The following IL16 variants were observed in gnomAD, a reference collection of about 807,000 sequenced individuals.
IL16 encodes the protein pro-interleukin-16.
Under a neutral mutation model 110.1 loss-of-function variants are expected in IL16, and 67 were observed. The observed-to-expected ratio is 0.61, with a 90% confidence interval of 0.50 to 0.75. The LOEUF is 0.75. Ranked by LOEUF, IL16 falls within the 30% of genes least tolerant of loss-of-function variation. The pLI is 0.00. For missense variants in IL16, 1,545 were observed against 1,655.0 expected, an observed-to-expected ratio of 0.93 and a Z score of 1.15; for synonymous variants, 689 against 662.9, an observed-to-expected ratio of 1.04 and a Z score of -0.61.
chr15:81,269,130 A>T (rs1898518821), intron 4 of IL16, among the ~76,000 whole-genome samples: 2 of 152,244 alleles, frequency 1.3e-5, no homozygotes, highest in Admixed American at 1.3e-4. Flanking sequence ...CCTGCCTGGC[A>T]CAAGGGGAGT....
At chr15:81,267,866 G>A (rs1898460819) in intron 4 of IL16, among the ~76,000 whole-genome samples, 2 of 152,272 alleles carry the variant, frequency 1.3e-5, no homozygotes, top group South Asian at 4.2e-4. Flanking sequence ...CCTGCATCAG[G>A]GCAGGTGATG....
intron 6 of IL16, 97 bp downstream of exon 6, chr15:81,273,301 T>C (rs1318615235): frequency 1.1e-5 from 9 of 854,466 alleles, no homozygotes; most frequent in Non-Finnish European, 1.6e-5. Flanking sequence ...GCAAAATGTG[T>C]CTTGAGTTGT....
intron 1 of IL16, among the ~76,000 whole-genome samples, chr15:81,224,624 G>A (rs1896727109): frequency 6.6e-6 from 1 of 152,196 alleles, no homozygotes. Flanking sequence ...CATCCCTTTG[G>A]CAGGCACTTG....
At chr15:81,257,749 A>G (rs547931976) in intron 2 of IL16, among the ~76,000 whole-genome samples, 2 of 152,348 alleles carry the variant, frequency 1.3e-5, no homozygotes, top group South Asian at 4.1e-4. Context: ...GGCATTGCTA[A>G]GCCTGGCTTC....
At chr15:81,297,452 G>A (rs1415916463) in intron 13 of IL16, among the ~76,000 whole-genome samples, 1 of 152,192 alleles carries the variant, frequency 6.6e-6, no homozygotes, top group Non-Finnish European at 1.5e-5. Flanking sequence ...GGATTTCTGA[G>A]TCAGAGAATG....
At chr15:81,300,602 C>T (rs1555424306) in intron 14 of IL16, 127 bp downstream of exon 14, 4 of 612,566 alleles carry the variant, frequency 6.5e-6, no homozygotes, top group Non-Finnish European at 1.1e-5. Flanking sequence ...AATTGTTCTG[C>T]CTCTTTCTTT....
upstream of IL16, among the ~76,000 whole-genome samples, chr15:81,192,261 A>T (rs1895509456): frequency 6.6e-6 from 1 of 152,182 alleles, no homozygotes; most frequent in Admixed American, 6.5e-5. Context: ...TCTATGCAAT[A>T]TTTCTGTAAA....
intron 1 of IL16, among the ~76,000 whole-genome samples, chr15:81,211,046 G>T: frequency 6.6e-6 from 1 of 151,516 alleles, no homozygotes; most frequent in East Asian, 1.9e-4. Flanking sequence ...GAGATTTTTT[G>T]GGTTTTTTGT....
chr15:81,208,216 G>A (rs1036761118), intron 1 of IL16, among the ~76,000 whole-genome samples: 2 of 152,020 alleles, frequency 1.3e-5, no homozygotes, highest in Non-Finnish European at 2.9e-5. Flanking sequence ...ATTTTTAATG[G>A]GGTTATTTGG....
At position 81,218,958 on chromosome 15, in the gene IL16, C is replaced by T. The variant is rs542637761; in HGVS notation, c.-101-6341C>T. Among the ~76,000 whole-genome samples the T allele has an allele frequency of 4.0e-5, 6 of 151,248 alleles. No homozygotes were observed. The East Asian group carries it at 7.8e-4, about 20-fold the overall frequency. On this transcript the variant is annotated intron_variant, in intron 1 of 18. Transcript: ENST00000683961. The stretch of plus-strand genomic sequence containing the variant: ...ATTTTTTTTTTTTTAGTCCATACTA[C>T]GTGCAAGGCAATAAGCTAAGTATCT...
At chr15:81,295,081 C>T (rs551968354) in intron 12 of IL16, among the ~76,000 whole-genome samples, 1 of 152,282 alleles carries the variant, frequency 6.6e-6, no homozygotes, top group South Asian at 2.1e-4. Flanking sequence ...TAACATCCCT[C>T]TTATAAAAAA....
chr15:81,246,510 A>C (rs900247769), intron 2 of IL16, among the ~76,000 whole-genome samples: 3 of 152,184 alleles, frequency 2.0e-5, no homozygotes, highest in African/African-American at 7.2e-5. Context: ...TGTTCAACAA[A>C]TCTTTGAATC....
chr15:81,233,459 C>CTGTGTGTGTGTGTGTGTGTG (rs5814049), intron 2 of IL16, among the ~76,000 whole-genome samples: 1 of 143,370 alleles, frequency 7.0e-6, no homozygotes, highest in Non-Finnish European at 1.5e-5. Flanking sequence ...TCTTCTCTTT[C>CTGTGTGTGTGTGTGTGTGTG]TGTGTGTGTG....
intron 6 of IL16, among the ~76,000 whole-genome samples, chr15:81,277,901 A>G (rs1353127318): frequency 6.6e-6 from 1 of 152,190 alleles, no homozygotes; most frequent in African/African-American, 2.4e-5. Context: ...TTGTGTATTG[A>G]ACAAATTGAA....
chr15:81,220,826 G>A (rs1472414989), intron 1 of IL16, among the ~76,000 whole-genome samples: 1 of 151,544 alleles, frequency 6.6e-6, no homozygotes, highest in Non-Finnish European at 1.5e-5. Context: ...AAGGAAGGAA[G>A]GAAGGAGGAG....
intron 2 of IL16, among the ~76,000 whole-genome samples, chr15:81,247,186 G>A (rs1897593560): frequency 6.9e-6 from 1 of 143,930 alleles, no homozygotes; most frequent in Non-Finnish European, 1.5e-5. Context: ...CCTATTATAC[G>A]TGTATTTTTA....
intron 2 of IL16, among the ~76,000 whole-genome samples, chr15:81,234,488 T>C (rs1897117424): frequency 6.6e-6 from 1 of 152,176 alleles, no homozygotes; most frequent in East Asian, 1.9e-4. Context: ...AAATTTGTAC[T>C]TTTTACTAGT....
chr15:81,267,491 C>T (rs111284977), intron 4 of IL16, among the ~76,000 whole-genome samples: 2 of 149,600 alleles, frequency 1.3e-5, no homozygotes, highest in Admixed American at 6.7e-5. Context: ...CACACACACA[C>T]ACACACACAC....
intron 1 of IL16, among the ~76,000 whole-genome samples, chr15:81,211,829 A>C (rs115346910): frequency 1.6e-3 from 244 of 152,298 alleles, no homozygotes; most frequent in African/African-American, 5.7e-3. Context: ...TGATTTATGT[A>C]TATTGAACCA....
Sources: allele counts gnomAD v4.1 joint callset (sites outside exome capture counted in the v4.1 genomes callset), GRCh38; gene constraint gnomAD v4.1.1; transcripts MANE v1.5; gene names NCBI Gene and HGNC (gene_info 2026-07-23, HGNC 2026-07-21).